RAB20: variants seen among roughly 807,000 people sequenced by gnomAD.
RAB20 encodes the protein ras-related protein Rab-20.
RAB20 carries 2 observed loss-of-function variants against 3.7 expected under a neutral mutation model. The ratio of observed to expected loss-of-function variants is 0.54; its 90% CI spans 0.22 to 1.69. RAB20 has a LOEUF of 1.69. Ranked by LOEUF, RAB20 falls within the 40% of genes most tolerant of loss-of-function variation. The pLI, the probability that RAB20 is intolerant of heterozygous loss-of-function variation, is 0.19. For synonymous variants in RAB20, 126 were observed against 130.8 expected (o/e 0.96, Z 0.25); for missense variants, 276 against 311.9 (o/e 0.88, Z 0.87).
At chr13:110,527,986 C>T (rs1435262471) in intron 1 of RAB20, among the ~76,000 whole-genome samples, 1 of 151,328 alleles carries the variant, frequency 6.6e-6, no homozygotes, top group African/African-American at 2.4e-5. Context: ...GCCTGTAGTC[C>T]CAGCTACTCG....
At chr13:110,536,496 C>T (rs1248461260) in intron 1 of RAB20, among the ~76,000 whole-genome samples, 4 of 152,190 alleles carry the variant, frequency 2.6e-5, no homozygotes, top group Non-Finnish European at 4.4e-5. Flanking sequence ...CTTCCTCTCC[C>T]CGAGGAAAGC....
chr13:110,539,075 G>C (rs1884707651), intron 1 of RAB20, among the ~76,000 whole-genome samples: 1 of 152,156 alleles, frequency 6.6e-6, no homozygotes, highest in African/African-American at 2.4e-5. Flanking sequence ...GAAGAAAGGA[G>C]GCGATTAGGT....
intron 1 of RAB20, among the ~76,000 whole-genome samples, chr13:110,529,321 A>G (rs966708357): frequency 1.3e-5 from 2 of 152,198 alleles, no homozygotes; most frequent in Admixed American, 1.3e-4. Flanking sequence ...CAGCCCCTGT[A>G]TCTCTCAGAA....
chr13:110,542,884 C>T (rs1391820814), intron 1 of RAB20, among the ~76,000 whole-genome samples: 3 of 152,090 alleles, frequency 2.0e-5, no homozygotes, highest in Non-Finnish European at 2.9e-5. Flanking sequence ...TGTCTTCCAC[C>T]GCGGCCATAC....
intron 1 of RAB20, among the ~76,000 whole-genome samples, chr13:110,527,264 G>C (rs1884445977): frequency 6.7e-6 from 1 of 148,266 alleles, no homozygotes; most frequent in Non-Finnish European, 1.5e-5. Flanking sequence ...GGCAACCCTG[G>C]AGAGAGGCGC....
intron 1 of RAB20, among the ~76,000 whole-genome samples, chr13:110,541,017 T>C (rs569343462): frequency 8.1e-4 from 124 of 152,290 alleles, no homozygotes; most frequent in Non-Finnish European, 1.6e-3. Flanking sequence ...TCAGGAGGCC[T>C]GGCTGGGTCC....
chr13:110,561,663 G>A lies in RAB20; in HGVS notation c.-144C>T, dbSNP rs1885139260. On this transcript the variant is annotated 5_prime_UTR_variant, in exon 1 of 2. Transcript: ENST00000267328. ...CGCTCCGGGACCTTCGCCTCCGGAC[G>A]CCCGGGAGCTCAAGAGAGGAAGCGC... The A allele has an allele frequency of 2.2e-6, 3 of 1,352,556 alleles. No individual in the cohort carries two copies. Among genetic ancestry groups the A allele is most frequent in the Non-Finnish European group, 2.9e-6 (3 of 1,039,398 alleles). The allele number at this position is 1,352,556 out of a possible 1,614,324, so 83.8% of individuals were successfully genotyped here. A position where few individuals can be genotyped will look rare whatever the true frequency, so the allele number is the denominator to read the frequency against.
chr13:110,538,238 CAA>C (rs570075617), intron 1 of RAB20, among the ~76,000 whole-genome samples: 119 of 78,478 alleles, frequency 1.5e-3, no homozygotes, highest in Middle Eastern at 0.015. Context: ...GACCTTGTCT[CAA>C]AAAAAAAAAA....
chr13:110,561,494 A>C lies in RAB20; in HGVS notation c.26T>G (p.Val9Gly). The change falls in exon 1 of 2, where the codon GTG becomes GGG. Residue 9 changes from valine (V) to glycine (G), a missense_variant. Val to Gly is a moderately radical substitution (Grantham distance 109). Transcript: ENST00000267328. MRKPDSKI[V>G]LLGDMNVGKT... is the part of the protein sequence containing the mutation. Reference sequence around the variant, plus strand: ...CCCCACGTTCATGTCCCCCAGGAGCACGATCTTGCTGTCGGGCTTCCTCAT... The same window carrying C: ...CCCCACGTTCATGTCCCCCAGGAGCCCGATCTTGCTGTCGGGCTTCCTCAT... The C allele has an allele frequency of 6.3e-7, 1 of 1,588,722 alleles. No individual in the cohort carries two copies. The highest frequency in any genetic ancestry group is 8.6e-7 in the Non-Finnish European group (1 of 1,167,994).
chr13:110,533,207 A>T (rs1223233683), intron 1 of RAB20, among the ~76,000 whole-genome samples: 1 of 152,222 alleles, frequency 6.6e-6, no homozygotes, highest in Non-Finnish European at 1.5e-5. Context: ...ACACCACGAC[A>T]TGCTTTCTCC....
intron 1 of RAB20, among the ~76,000 whole-genome samples, chr13:110,552,194 C>G (rs1884964433): frequency 6.6e-6 from 1 of 151,366 alleles, no homozygotes; most frequent in South Asian, 2.1e-4. Context: ...GCCTGACCAA[C>G]ATGGTGAAAC....
At chr13:110,557,005 A>G (rs2139591765) in intron 1 of RAB20, among the ~76,000 whole-genome samples, 1 of 152,306 alleles carries the variant, frequency 6.6e-6, no homozygotes, top group African/African-American at 2.4e-5. Context: ...GATTGGCCTA[A>G]ACAGATGGTT....
At chr13:110,527,928 CACACACACACACACAT>C (rs1461860173) in intron 1 of RAB20, among the ~76,000 whole-genome samples, 1 of 150,070 alleles carries the variant, frequency 6.7e-6, no homozygotes, top group African/African-American at 2.5e-5. Flanking sequence ...CACACACACA[CACACACACACACACAT>C]ACACTTTAAT....
rs758690632 is a variant in RAB20 at position 110,561,555 on chromosome 13, TC to T, written c.-37del. The T allele has an allele frequency of 2.6e-6, 4 of 1,514,594 alleles. No homozygotes were observed. In the South Asian group the frequency reaches 5.1e-5, roughly 19 times the overall value. 93.8% of individuals were successfully genotyped at this position (1,514,594 alleles called of 1,614,324 possible). A position where few individuals can be genotyped will look rare whatever the true frequency, so the allele number is the denominator to read the frequency against. On this transcript the variant is annotated 5_prime_UTR_variant, in exon 1 of 2. Coordinates refer to ENST00000267328, the MANE Select transcript of RAB20 (RefSeq NM_017817.3). Reference sequence around the variant, plus strand: ...GAACCCCCAGCGCCCCCGCGCCCTCTCCCCGAGGCTGGCCGGCTCGTGCGCC... The same window carrying T: ...GAACCCCCAGCGCCCCCGCGCCCTCTCCCGAGGCTGGCCGGCTCGTGCGCC...
intron 1 of RAB20, among the ~76,000 whole-genome samples, chr13:110,548,945 C>T (rs547747939): frequency 1.3e-5 from 2 of 152,364 alleles, no homozygotes; most frequent in Admixed American, 1.3e-4. Flanking sequence ...CAGCCCAGGG[C>T]TCCAGCCAGG....
Position 110,523,682 on chromosome 13 carries a change from A to T in RAB20, c.688T>A (p.Ser230Thr), listed in dbSNP as rs745317481. The change falls in exon 2 of 2, where the codon TCT becomes ACT. Residue 230 changes from serine (S) to threonine (T), a missense_variant. Ser to Thr is a moderately conservative substitution (Grantham distance 58). Transcript: ENST00000267328. ...CTCGAAAGTCAGGCACAACACCCAGATCTGGTCCTCTTGGGTGGCTTATGA... is the reference window on the plus strand; with the variant it reads ...CTCGAAAGTCAGGCACAACACCCAGTTCTGGTCCTCTTGGGTGGCTTATGA... ...SSHKPPKRTRSGCCA is the reference protein window; with the variant it reads ...SSHKPPKRTRTGCCA The T allele has an allele frequency of 4.3e-6, 7 of 1,613,920 alleles. No homozygotes were observed. In the South Asian group the frequency reaches 6.6e-5, roughly 15 times the overall value.
chr13:110,531,735 A>G (rs925991415), intron 1 of RAB20, among the ~76,000 whole-genome samples: 2 of 152,110 alleles, frequency 1.3e-5, no homozygotes, highest in African/African-American at 2.4e-5. Flanking sequence ...TCATCCCTCC[A>G]TTTACACACC....
chr13:110,541,768 G>A (rs1884766591), intron 1 of RAB20, among the ~76,000 whole-genome samples: 1 of 151,952 alleles, frequency 6.6e-6, no homozygotes, highest in African/African-American at 2.4e-5. Flanking sequence ...ACTTCCCTAA[G>A]GGCTAGCTGA....
At chr13:110,528,443 A>G (rs1413973254) in intron 1 of RAB20, among the ~76,000 whole-genome samples, 1 of 150,510 alleles carries the variant, frequency 6.6e-6, no homozygotes, top group Admixed American at 6.6e-5. Flanking sequence ...AACAGAAAAG[A>G]AAGAAAAATG....
Sources: gnomAD v4.1 joint callset for allele counts (sites outside exome capture counted in the v4.1 genomes callset) on GRCh38, gnomAD v4.1.1 for gene constraint, MANE v1.5 for transcripts, NCBI Gene and HGNC (gene_info 2026-07-23, HGNC 2026-07-21) for gene names.